The following NRAP variants were observed in gnomAD, a reference collection of about 807,000 sequenced individuals.
NRAP encodes nebulin related anchoring protein, also known as nebulin-related-anchoring protein.
Under a neutral mutation model 225.9 loss-of-function variants are expected in NRAP, and 189 were observed. That is an observed-to-expected ratio of 0.84 (90% CI 0.74 to 0.94). The LOEUF (loss-of-function observed/expected upper bound fraction) is 0.94. Ranked by LOEUF, NRAP falls within the 40% of genes least tolerant of loss-of-function variation. The pLI, the probability that NRAP is intolerant of heterozygous loss-of-function variation, is 0.00. For synonymous variants in NRAP, 769 were observed against 790.7 expected, an observed-to-expected ratio of 0.97 and a Z score of 0.46; for missense variants, 2,176 against 2,168.7, an observed-to-expected ratio of 1.00 and a Z score of -0.07.
At chr10:113,610,437 C>T (rs775081675) in intron 31 of NRAP, 22 bp downstream of exon 31, 1 of 1,100,332 alleles carries the variant, frequency 9.1e-7, no homozygotes, top group South Asian at 1.2e-5. Context: ...CCTGGACACT[C>T]AACACCAGCA....
chr10:113,606,320 T>C, intron 32 of NRAP, 38 bp from the exon 33 acceptor site: 2 of 1,302,874 alleles, frequency 1.5e-6, no homozygotes, highest in African/African-American at 1.5e-5. Flanking sequence ...ATGCAAGAGA[T>C]AAGTGCTGTG....
rs369234316 is a variant in NRAP at position 113,642,973 on chromosome 10, T to C, written c.1176A>G (p.Gln392=). 128 of 1,607,896 alleles carry C rather than the reference T, an allele frequency of 8.0e-5. No individual in the cohort carries two copies. In the East Asian group the frequency reaches 2.1e-3, roughly 26 times the overall value. Reference sequence around the variant, plus strand: ...TTGAGATCTTGCTCACGTTCCTGAATTGAGGTGTTTCACAGTAGTTGATAC... The same window carrying C: ...TTGAGATCTTGCTCACGTTCCTGAACTGAGGTGTTTCACAGTAGTTGATAC... The part of the protein sequence containing the change: ...GHSINYCETP[Q]FRNVSKISKF... The change falls in exon 12 of 42, where the codon CAA becomes CAG. Residue 392 remains glutamine, a synonymous_variant. Transcript: ENST00000359988.
In NRAP at chr10:113,645,896, A is replaced by G. The variant is rs1849474687; in HGVS notation, c.1039T>C (p.Tyr347His). ...TTGTCTTGAGCTGGAAGCGAGTGAT[A>G]ATGTGCAGCGCCTTTCATCTTATTG... ...DFNKMKGAAH[Y>H]HSLPAQDNLV... The change falls in exon 11 of 42, where the codon TAT (tyrosine) becomes CAT (histidine). Residue 347 changes from tyrosine (Y) to histidine (H), a missense_variant. Physicochemically the swap from Tyr to His is moderately conservative, Grantham distance 83. Around this residue, in one of 3 missense-constraint regions of NRAP, gnomAD observed 1,708 missense variants for 1,695.5 expected, o/e 1.01. Coordinates refer to ENST00000359988, the MANE Select transcript of NRAP (RefSeq NM_198060.4). The G allele has an allele frequency of 6.2e-7, 1 of 1,609,996 alleles. No homozygotes were observed. Among genetic ancestry groups the G allele is most frequent in the African/African-American group, 1.3e-5 (1 of 74,728 alleles).
intron 20 of NRAP, 26 bp from the exon 21 acceptor site, chr10:113,626,171 C>T (rs201482819): frequency 2.0e-6 from 3 of 1,537,266 alleles, no homozygotes; most frequent in African/African-American, 1.4e-5. Context: ...AGGGACCCCA[C>T]AGCATTAGGA....
chr10:113,629,871 G>A, intron 18 of NRAP, 86 bp from the exon 19 acceptor site: 1 of 924,098 alleles, frequency 1.1e-6, no homozygotes. Context: ...AAGATTTCCG[G>A]GCTTTCGGGA....
Position 113,604,738 on chromosome 10 carries a change from C to G in NRAP, c.4098G>C (p.Leu1366=), listed in dbSNP as rs1361917782. The change falls in exon 35 of 42, where the codon CTG becomes CTC. Residue 1366 remains leucine (L), a synonymous_variant. Coordinates refer to ENST00000359988, the MANE Select transcript of NRAP (RefSeq NM_198060.4). ...GAGCCTGGGCATTCTTGGCATGGAC[C>G]AGGTGCACCATGTCCATGGGCAGAT... The part of the protein sequence containing the change: ...QFHLPMDMVH[L]VHAKNAQALA... 3 of 1,614,054 alleles carry G rather than the reference C, an allele frequency of 1.9e-6. No individual in the cohort carries two copies. The highest frequency in any genetic ancestry group is 1.3e-5 in the African/African-American group (1 of 74,928).
intron 3 of NRAP, among the ~76,000 whole-genome samples, chr10:113,659,223 T>C (rs919472211): frequency 6.6e-6 from 1 of 152,202 alleles, no homozygotes; most frequent in Non-Finnish European, 1.5e-5. Context: ...ATACTACCAA[T>C]ATTTTGGGCC....
intron 20 of NRAP, among the ~76,000 whole-genome samples, chr10:113,627,940 A>G (rs1374865111): frequency 1.3e-5 from 2 of 152,230 alleles, no homozygotes; most frequent in East Asian, 3.9e-4. Context: ...AATGGCAGCT[A>G]TTATTATCAC....
Position 113,604,832 on chromosome 10 carries a change from C to T in NRAP, c.4004G>A (p.Arg1335Gln), listed in dbSNP as rs770078664. The change falls in exon 35 of 42, where the codon CGG becomes CAG. Residue 1335 changes from arginine (R) to glutamine (Q), a missense_variant. By Grantham distance (43) the Arg-to-Gln change is conservative. This residue lies in a region of NRAP where 1,708 missense variants were observed against 1,695.5 expected (regional missense o/e 1.01). Coordinates refer to ENST00000359988, the MANE Select transcript of NRAP (RefSeq NM_198060.4). ...VRDDPRIQHCRRMGQLQSELQ... is the reference protein window; with the variant it reads ...VRDDPRIQHCQRMGQLQSELQ... ...CTCGCTCTGCAGCTGGCCCATGCGC[C>T]GGCAGTGCTGGATCCGGGGGTCGTC... is the stretch of plus-strand genomic sequence containing the variant. The T allele has an allele frequency of 2.0e-5, 32 of 1,614,050 alleles. No individual in the cohort carries two copies. Among genetic ancestry groups the T allele is most frequent in the Admixed American group, 1.3e-4 (8 of 59,998 alleles).
At chr10:113,656,574 A>G (rs532619634) in intron 4 of NRAP, among the ~76,000 whole-genome samples, 1 of 152,338 alleles carries the variant, frequency 6.6e-6, no homozygotes, top group South Asian at 2.1e-4. Flanking sequence ...TTCAATAACA[A>G]GTAATACTAG....
chr10:113,609,306 A>C (rs1204132171), intron 31 of NRAP, among the ~76,000 whole-genome samples: 1 of 152,252 alleles, frequency 6.6e-6, no homozygotes, highest in Non-Finnish European at 1.5e-5. Flanking sequence ...GTTCTGATGC[A>C]CCATGAGGTA....
At chr10:113,645,744 T>C in intron 11 of NRAP, 81 bp downstream of exon 11, 1 of 737,380 alleles carries the variant, frequency 1.4e-6, no homozygotes, top group Non-Finnish European at 2.2e-6. Flanking sequence ...CAGAGCTTTT[T>C]ATTATAGGGT....
At chr10:113,590,514 TG>T (rs2133811833) in intron 40 of NRAP, 63 bp downstream of exon 40, 1 of 1,506,632 alleles carries the variant, frequency 6.6e-7, no homozygotes, top group Non-Finnish European at 9.0e-7. Flanking sequence ...CGTGGCATTA[TG>T]GCCATCTCTT....
rs3127113 is a variant in NRAP, at chr10:113,652,928, C to T, written c.570+7G>A. The T allele has an allele frequency of 0.19, 308,164 of 1,597,018 alleles. 32,603 individuals carry two copies. The highest frequency in any genetic ancestry group is 0.36 in the Admixed American group (21,049 of 58,326). ...AATCAATGGTGAAAAAGCACCCAGG[C>T]ACTCACTTGGCTGGCCAGCTGGTTG... On this transcript the variant is annotated splice_region_variant and intron_variant, in intron 6 of 41. Transcript: ENST00000359988.
chr10:113,623,194 A>G (rs748375263), intron 23 of NRAP, among the ~76,000 whole-genome samples: 4 of 152,246 alleles, frequency 2.6e-5, no homozygotes, highest in Admixed American at 1.3e-4. Context: ...CAGAGCCTGT[A>G]TTAACCATTA....
chr10:113,623,610 G>A lies in NRAP; in HGVS notation c.2376C>T (p.Asn792=). 1 of 1,613,918 alleles carries A rather than the reference G, an allele frequency of 6.2e-7. No individual in the cohort carries two copies. Among genetic ancestry groups the A allele is most frequent in the Non-Finnish European group, 8.5e-7 (1 of 1,179,832 alleles). ...SEKLYKSSWE[N]QKAKGFELRL... ...GCAGCTCAAACCCTTTTGCTTTCTGGTTTTCCCAGCTGCTCTTATACAGTT... is the reference window on the plus strand; with the variant it reads ...GCAGCTCAAACCCTTTTGCTTTCTGATTTTCCCAGCTGCTCTTATACAGTT... The change falls in exon 23 of 42, where the codon AAC becomes AAT. Residue 792 remains asparagine (N), a synonymous_variant. Coordinates refer to ENST00000359988, the MANE Select transcript of NRAP (RefSeq NM_198060.4).
Position 113,615,814 on chromosome 10 carries a change from T to A in NRAP, c.2976A>T (p.Arg992Ser), listed in dbSNP as rs1847630671. 1 of 1,553,410 alleles carries A rather than the reference T, an allele frequency of 6.4e-7. No homozygotes were observed. Reference protein sequence around the residue: ...ARISYTQAVDRLYREQGENIK... With the variant: ...ARISYTQAVDSLYREQGENIK... ...TGTTTTCTCCTTGTTCCCTGTATAA[T>A]CTCTGTGGATGGAAGGAGGTTTTGC... Residue 992 changes from arginine (R) to serine (S), a missense_variant and splice_region_variant, in exon 27 of 42, where the codon AGA (arginine) becomes AGT (serine). This residue lies in a region of NRAP where 1,708 missense variants were observed against 1,695.5 expected (regional missense o/e 1.01). Coordinates refer to ENST00000359988, the MANE Select transcript of NRAP (RefSeq NM_198060.4).
In NRAP at chr10:113,612,423, G is replaced by A. The variant is rs766676510; in HGVS notation, c.3309C>T (p.Tyr1103=). The A allele has an allele frequency of 3.7e-6, 6 of 1,613,914 alleles. No individual in the cohort carries two copies. In the East Asian group the frequency reaches 8.9e-5, roughly 24 times the overall value. ...YATSLQSDVN[Y]KKGFEHSKAQ... Reference sequence around the variant, plus strand: ...CCTTTGAGTGTTCAAAGCCTTTCTTGTAATTCACCTAGAGGGGCAGACAGA... The same window carrying A: ...CCTTTGAGTGTTCAAAGCCTTTCTTATAATTCACCTAGAGGGGCAGACAGA... Residue 1103 remains tyrosine, a synonymous_variant, in exon 30 of 42, where the codon TAC becomes TAT. Transcript: ENST00000359988.
At chr10:113,605,376 C>A (rs1431657427) in intron 34 of NRAP, among the ~76,000 whole-genome samples, 1 of 152,314 alleles carries the variant, frequency 6.6e-6, no homozygotes, top group Non-Finnish European at 1.5e-5. Flanking sequence ...ATCCTAACAC[C>A]AATGCGTGAA....
Sources: gnomAD v4.1 joint callset for allele counts (sites outside exome capture counted in the v4.1 genomes callset) on GRCh38, gnomAD v4.1.1 for gene constraint, gnomAD v4.1.1 regional missense constraint, MANE v1.5 for transcripts, NCBI Gene and HGNC (gene_info 2026-07-23, HGNC 2026-07-21) for gene names.